Variants in MSI1 observed in about 807,000 individuals in gnomAD.
MSI1 encodes RNA-binding protein Musashi homolog 1.
Under a neutral mutation model 54.4 loss-of-function variants are expected in MSI1, and 15 were observed. That is an observed-to-expected ratio of 0.28 (90% confidence interval 0.18 to 0.42). The LOEUF is 0.42. Among genes scored for constraint, MSI1 ranks in the 20% least tolerant of loss-of-function variants. The pLI, the probability that MSI1 is intolerant of heterozygous loss-of-function variation, is 1.00. For synonymous variants in MSI1, 200 were observed against 196.5 expected, an observed-to-expected ratio of 1.02 and a Z score of -0.15; for missense variants, 304 against 506.0, an observed-to-expected ratio of 0.60 and a Z score of 3.83.
chr12:120,345,691 C>T, intron 13 of MSI1, 59 bp from the exon 14 acceptor site: 1 of 1,593,782 alleles, frequency 6.3e-7, no homozygotes, highest in South Asian at 1.1e-5. Flanking sequence ...ATCAGGGGCT[C>T]CTTCTCTCTC....
intron 11 of MSI1, among the ~76,000 whole-genome samples, chr12:120,347,930 C>G (rs888097106): frequency 6.6e-6 from 1 of 152,212 alleles, no homozygotes; most frequent in African/African-American, 2.4e-5. Context: ...CGTCCTTCTT[C>G]GCAGCCCACG....
intron 9 of MSI1, among the ~76,000 whole-genome samples, chr12:120,353,843 C>T (rs1874848198): frequency 6.6e-6 from 1 of 152,226 alleles, no homozygotes; most frequent in Non-Finnish European, 1.5e-5. Context: ...TGACTACATG[C>T]CTGAGTCCCT....
chr12:120,362,853 C>T (rs886671662), intron 6 of MSI1, among the ~76,000 whole-genome samples, 190 bp downstream of exon 6: 1 of 152,218 alleles, frequency 6.6e-6, no homozygotes, highest in Admixed American at 6.5e-5. Flanking sequence ...GAGGGATATC[C>T]TGAGTCTGAA....
intron 7 of MSI1, 87 bp downstream of exon 7, chr12:120,358,918 A>G: frequency 7.0e-7 from 1 of 1,434,382 alleles, no homozygotes; most frequent in Non-Finnish European, 9.6e-7. Flanking sequence ...AGGATGTCAG[A>G]AGGCGAGATG....
At position 120,346,697 on chromosome 12, in the gene MSI1, C is replaced by T. The variant is rs189538550; in HGVS notation, c.860-375G>A. Among the ~76,000 whole-genome samples, 317 of 152,318 alleles carry T rather than the reference C, an allele frequency of 2.1e-3. 1 individual carries two copies. The highest frequency in any genetic ancestry group is 7.1e-3 in the African/African-American group (294 of 41,564). ...CTTCCGCACTTTCCCCACCCACTGG[C>T]CTCCAAGCCTTTGCATATGCTATTC... is the stretch of plus-strand genomic sequence containing the variant. On this transcript the variant is annotated intron_variant, in intron 12 of 14. Coordinates refer to ENST00000257552, the MANE Select transcript of MSI1 (RefSeq NM_002442.4).
chr12:120,361,051 T>A (rs527769139), intron 6 of MSI1, among the ~76,000 whole-genome samples: 1 of 147,666 alleles, frequency 6.8e-6, no homozygotes, highest in East Asian at 1.9e-4. Flanking sequence ...ATTATTATCT[T>A]TACAAGGGAG....
rs1202381860 is a variant in MSI1 at position 120,342,623 on chromosome 12, C to T, written c.*504G>A. On this transcript the variant is annotated 3_prime_UTR_variant, in exon 15 of 15. Coordinates refer to ENST00000257552, the MANE Select transcript of MSI1 (RefSeq NM_002442.4). ...GGCCTGGGGCTTCACATTCACAAACCTAGAAATAGTTTAAAAAAGGTTTCT... is the reference window on the plus strand; with the variant it reads ...GGCCTGGGGCTTCACATTCACAAACTTAGAAATAGTTTAAAAAAGGTTTCT... 1 of 138,588 alleles carries T rather than the reference C, an allele frequency of 7.2e-6. No homozygotes were observed. Among genetic ancestry groups the T allele is most frequent in the Non-Finnish European group, 1.5e-5 (1 of 64,980 alleles). 8.6% of individuals were successfully genotyped at this position (138,588 alleles called of 1,614,324 possible).
intron 13 of MSI1, among the ~76,000 whole-genome samples, 195 bp from the exon 14 acceptor site, chr12:120,345,827 A>G (rs1338633965): frequency 6.6e-6 from 1 of 151,988 alleles, no homozygotes. Context: ...ACAGAGGGCC[A>G]GGGAATCTGC....
At chr12:120,365,125 G>A (rs1399139949) in intron 4 of MSI1, among the ~76,000 whole-genome samples, 3 of 152,058 alleles carry the variant, frequency 2.0e-5, no homozygotes, top group Non-Finnish European at 4.4e-5. Flanking sequence ...TGGCCAGACT[G>A]GTTTCAAACT....
chr12:120,367,119 A>C (rs781128067), intron 4 of MSI1, among the ~76,000 whole-genome samples: 1 of 151,992 alleles, frequency 6.6e-6, no homozygotes, highest in African/African-American at 2.4e-5. Flanking sequence ...TAATTTGACA[A>C]ATTCTTGGGC....
At chr12:120,343,852 T>C (rs1236899747) in intron 14 of MSI1, among the ~76,000 whole-genome samples, 1 of 151,906 alleles carries the variant, frequency 6.6e-6, no homozygotes, top group Non-Finnish European at 1.5e-5. Context: ...CAAGTCGAGG[T>C]ATCCTGTTGT....
intron 11 of MSI1, among the ~76,000 whole-genome samples, chr12:120,351,107 A>G (rs1442376182): frequency 1.3e-5 from 2 of 152,028 alleles, no homozygotes; most frequent in African/African-American, 4.8e-5. Flanking sequence ...ATATTTGCCA[A>G]ATGGATGAAT....
In MSI1 at chr12:120,358,900, T is replaced by C; in HGVS notation, c.451+105A>G. Reference sequence around the variant, plus strand: ...CAGGCCTGGGAGAGGACGCAGATCCTGGGGGATAGGATGTCAGAAGGCGAG... The same window carrying C: ...CAGGCCTGGGAGAGGACGCAGATCCCGGGGGATAGGATGTCAGAAGGCGAG... On this transcript the variant is annotated intron_variant, in intron 7 of 14. Coordinates refer to ENST00000257552, the MANE Select transcript of MSI1 (RefSeq NM_002442.4). 3.8e-6 allele frequency: 5 copies of C among 1,310,354 alleles called. No individual in the cohort carries two copies. In the East Asian group the frequency reaches 7.6e-5, roughly 20 times the overall value. The allele number at this position is 1,310,354 out of a possible 1,614,324, so 81.2% of individuals were successfully genotyped here.
intron 9 of MSI1, among the ~76,000 whole-genome samples, chr12:120,354,409 C>G (rs1313024069): frequency 6.6e-6 from 1 of 150,820 alleles, no homozygotes; most frequent in Non-Finnish European, 1.5e-5. Flanking sequence ...ACCGATCTCA[C>G]TATTTGTTAG....
At position 120,341,988 on chromosome 12, in the gene MSI1, G is replaced by A. The variant is rs1873699805; in HGVS notation, c.*1139C>T. The A allele has an allele frequency of 6.5e-6, 1 of 152,796 alleles. No homozygotes were observed. The highest frequency in any genetic ancestry group is 1.5e-5 in the Non-Finnish European group (1 of 68,240). The allele number at this position is 152,796 out of a possible 1,614,324, so 9.5% of individuals were successfully genotyped here. On this transcript the variant is annotated 3_prime_UTR_variant, in exon 15 of 15. Coordinates refer to ENST00000257552, the MANE Select transcript of MSI1 (RefSeq NM_002442.4). ...GGGCTGCCAAGGGACTCTGGCTGTG[G>A]GGTCATCCTGGTGGGAAACTTCAGT...
chr12:120,361,881 T>A (rs968306000), intron 6 of MSI1, among the ~76,000 whole-genome samples: 1 of 151,770 alleles, frequency 6.6e-6, no homozygotes, highest in Non-Finnish European at 1.5e-5. Flanking sequence ...CGGCTTCTCC[T>A]GGGGCCCGGT....
At chr12:120,344,404 A>T (rs12427095) in intron 14 of MSI1, among the ~76,000 whole-genome samples, 10,242 of 152,202 alleles carry the variant, frequency 0.067, 457 homozygotes, top group Admixed American at 0.15. Flanking sequence ...GCAGTGTTCA[A>T]CTTAAAAAAT....
In MSI1 at chr12:120,359,021, G is replaced by A. The variant is rs1238887075; in HGVS notation, c.435C>T (p.Thr145=). ...CACACTCACCTCGGTGCCGGTTGGT[G>A]GTTTTGTCAAACATCAGCATGGCGT... ...VDDAMLMFDK[T]TNRHRGFGFV... Residue 145 remains threonine (T), a synonymous_variant, in exon 7 of 15, where the codon ACC becomes ACT. Transcript: ENST00000257552. 6.4e-7 allele frequency: 1 copy of A among 1,564,978 alleles called. No homozygotes were observed. Among genetic ancestry groups the A allele is most frequent in the Non-Finnish European group, 8.7e-7 (1 of 1,154,526 alleles).
chr12:120,352,040 C>G (rs928352989), intron 10 of MSI1, among the ~76,000 whole-genome samples: 2 of 137,674 alleles, frequency 1.5e-5, no homozygotes, highest in African/African-American at 2.7e-5. Flanking sequence ...AAAAAAAAGA[C>G]AGGGTCTCAC....
Sources: gnomAD v4.1 joint callset for allele counts (sites outside exome capture counted in the v4.1 genomes callset) on GRCh38, gnomAD v4.1.1 for gene constraint, MANE v1.5 for transcripts, NCBI Gene and HGNC (gene_info 2026-07-23, HGNC 2026-07-21) for gene names.